PRKAG2: variants seen among roughly 807,000 people sequenced by gnomAD.
The protein encoded by PRKAG2 is 5'-AMP-activated protein kinase subunit gamma-2.
PRKAG2 carries 26 observed loss-of-function variants against 69.6 expected under a neutral mutation model. The ratio of observed to expected loss-of-function variants is 0.37; its 90% CI spans 0.27 to 0.52. The LOEUF (loss-of-function observed/expected upper bound fraction) is 0.52. Ranked by LOEUF, PRKAG2 falls within the 20% of genes least tolerant of loss-of-function variation. The pLI is 0.90. For missense variants in PRKAG2, 557 were observed against 740.0 expected, an observed-to-expected ratio of 0.75 and a Z score of 2.87; for synonymous variants, 293 against 285.0, an observed-to-expected ratio of 1.03 and a Z score of -0.28.
At chr7:151,665,461 T>C (rs1392848886) in intron 4 of PRKAG2, among the ~76,000 whole-genome samples, 3 of 152,186 alleles carry the variant, frequency 2.0e-5, no homozygotes, top group African/African-American at 4.8e-5. Flanking sequence ...TGAGTCATGA[T>C]TCCAACAGTG....
chr7:151,805,950 G>C (rs2078078627), intron 1 of PRKAG2, among the ~76,000 whole-genome samples: 1 of 152,250 alleles, frequency 6.6e-6, no homozygotes, highest in Non-Finnish European at 1.5e-5. Context: ...TATAGTCCAA[G>C]CATTTTGGGA....
intron 3 of PRKAG2, chr7:151,735,956 T>C: frequency 6.5e-7 from 1 of 1,536,384 alleles, no homozygotes; most frequent in Non-Finnish European, 8.7e-7. Context: ...TTGGTCCTTG[T>C]GTTTCTTGTT....
At position 151,614,812 on chromosome 7, in the gene PRKAG2, C is replaced by T. The variant is rs1453984302; in HGVS notation, c.754+17257G>A. 6.6e-6 allele frequency among the ~76,000 whole-genome samples: 1 copy of T among 152,262 alleles called. No homozygotes were observed. Among genetic ancestry groups the T allele is most frequent in the African/African-American group, 2.4e-5 (1 of 41,476 alleles). ...CAATGGCTTTTCTGCAAACTCCTTGCCGACCACTGATCACTTGGCACTGGG... is the reference window on the plus strand; with the variant it reads ...CAATGGCTTTTCTGCAAACTCCTTGTCGACCACTGATCACTTGGCACTGGG... On this transcript the variant is annotated intron_variant, in intron 5 of 15. Coordinates refer to ENST00000287878, the MANE Select transcript of PRKAG2 (RefSeq NM_016203.4). This position sits in a 1 kb window ranked among gnomAD's most constrained non-coding sequence, Gnocchi z 4.4.
At position 151,823,914 on chromosome 7, in the gene PRKAG2, T is replaced by A. The variant is rs549830403; in HGVS notation, c.115-37373A>T. 6.6e-5 allele frequency among the ~76,000 whole-genome samples: 10 copies of A among 152,274 alleles called. No individual in the cohort carries two copies. In the South Asian group the frequency reaches 1.2e-3, roughly 19 times the overall value. On this transcript the variant is annotated intron_variant, in intron 1 of 15. Transcript: ENST00000287878. ...TTGCTGGGGCTGAGAACTGGGTGAT[T>A]GAAATATTCTGCTAAGTAAGAACCA...
At chr7:151,580,096 C>T (rs1809991801) in intron 6 of PRKAG2, among the ~76,000 whole-genome samples, 1 of 152,214 alleles carries the variant, frequency 6.6e-6, no homozygotes, top group Non-Finnish European at 1.5e-5. Context: ...GTAATCCCAG[C>T]ACTTTGGGAG....
chr7:151,648,203 G>A (rs1827876466), intron 4 of PRKAG2, among the ~76,000 whole-genome samples: 1 of 152,058 alleles, frequency 6.6e-6, no homozygotes. Context: ...CTTTGGACAG[G>A]TGTCATTCTA....
intron 5 of PRKAG2, among the ~76,000 whole-genome samples, chr7:151,625,389 C>T (rs1822587268): frequency 6.6e-6 from 1 of 152,108 alleles, no homozygotes; most frequent in Non-Finnish European, 1.5e-5. Flanking sequence ...AGGAAAGAGG[C>T]ACCAGGTGAG....
chr7:151,786,643 T>C (rs918707759), intron 1 of PRKAG2, 102 bp from the exon 2 acceptor site: 1 of 920,288 alleles, frequency 1.1e-6, no homozygotes, highest in East Asian at 2.6e-5. Context: ...TGAGACCTTA[T>C]CCTTCAAATC....
intron 3 of PRKAG2, among the ~76,000 whole-genome samples, chr7:151,743,945 C>A (rs1440440827): frequency 6.6e-6 from 1 of 152,204 alleles, no homozygotes; most frequent in Non-Finnish European, 1.5e-5. Flanking sequence ...GTGCCAGCCC[C>A]CCCACATCTG....
In PRKAG2 at chr7:151,632,193, C is replaced by T. The variant is rs1713993147; in HGVS notation, c.685-55G>A. The stretch of plus-strand genomic sequence containing the variant: ...CATGAGCTGCGACGCTCGTCCCCGG[C>T]CGGCGGGCTCGCGGCCGGCCGAGCG... On this transcript the variant is annotated intron_variant, in intron 4 of 15. Transcript: ENST00000287878. The surrounding 1 kb of genome is among the most constrained non-coding windows in gnomAD (Gnocchi z 4.2). 12 of 1,199,704 alleles carry T rather than the reference C, an allele frequency of 1.0e-5. No individual in the cohort carries two copies. The highest frequency in any genetic ancestry group is 1.2e-5 in the Non-Finnish European group (12 of 961,846). 74.3% of individuals were successfully genotyped at this position (1,199,704 alleles called of 1,614,324 possible).
intron 1 of PRKAG2, among the ~76,000 whole-genome samples, chr7:151,818,443 G>A (rs1393486556): frequency 6.6e-6 from 1 of 152,168 alleles, no homozygotes; most frequent in Non-Finnish European, 1.5e-5. Context: ...TCACGTCCCT[G>A]CGATGAGGCA....
rs1446398419 is a variant in PRKAG2, at chr7:151,781,584, C to T, written c.187-153G>A. ...GCCCTAAGCTCTTCCACAGAGGTAGCCACTGAATGGTCTGCAGGTAGCACC... is the reference window on the plus strand; with the variant it reads ...GCCCTAAGCTCTTCCACAGAGGTAGTCACTGAATGGTCTGCAGGTAGCACC... On this transcript the variant is annotated intron_variant, in intron 2 of 15. Coordinates refer to ENST00000287878, the MANE Select transcript of PRKAG2 (RefSeq NM_016203.4). The surrounding 1 kb of genome is among the most constrained non-coding windows in gnomAD (Gnocchi z 6.1). 6.6e-6 allele frequency among the ~76,000 whole-genome samples: 1 copy of T among 152,192 alleles called. No individual in the cohort carries two copies. Among genetic ancestry groups the T allele is most frequent in the Non-Finnish European group, 1.5e-5 (1 of 68,030 alleles).
At chr7:151,675,113 G>A (rs1329525944) in intron 4 of PRKAG2, 2 of 375,168 alleles carry the variant, frequency 5.3e-6, no homozygotes, top group African/African-American at 4.2e-5. Context: ...TAGAGACAGG[G>A]TTTTGCCATG....
chr7:151,667,282 C>T (rs907712987), intron 4 of PRKAG2, among the ~76,000 whole-genome samples: 4 of 152,204 alleles, frequency 2.6e-5, no homozygotes, highest in Non-Finnish European at 5.9e-5. Flanking sequence ...TGATAAACAT[C>T]CTGCACACCA....
chr7:151,696,346 G>T (rs1836655713), intron 3 of PRKAG2, among the ~76,000 whole-genome samples: 1 of 152,254 alleles, frequency 6.6e-6, no homozygotes, highest in African/African-American at 2.4e-5. Context: ...CATCAGGAGA[G>T]TATGGGGTTC....
At chr7:151,809,027 T>G (rs550403418) in intron 1 of PRKAG2, among the ~76,000 whole-genome samples, 1 of 152,310 alleles carries the variant, frequency 6.6e-6, no homozygotes, top group East Asian at 1.9e-4. Context: ...GAGTTCGTGT[T>G]GGAAGATGCC....
At chr7:151,650,301 C>CAA (rs11404467) in intron 4 of PRKAG2, among the ~76,000 whole-genome samples, 4,298 of 142,138 alleles carry the variant, frequency 0.03, 64 homozygotes, top group Middle Eastern at 0.086. Flanking sequence ...AACCCAGTCT[C>CAA]AAAAAAAAAA....
At chr7:151,746,516 A>G (rs971888663) in intron 3 of PRKAG2, among the ~76,000 whole-genome samples, 1 of 152,256 alleles carries the variant, frequency 6.6e-6, no homozygotes, top group Admixed American at 6.5e-5. Context: ...GTGATTAAAT[A>G]AGACAGAATA....
At chr7:151,703,726 T>A (rs758685120) in intron 3 of PRKAG2, among the ~76,000 whole-genome samples, 13 of 152,018 alleles carry the variant, frequency 8.6e-5, no homozygotes, top group Non-Finnish European at 1.3e-4. Flanking sequence ...TTTTTTTGGC[T>A]GGGCGCGGTG....
Sources: allele counts gnomAD v4.1 joint callset (sites outside exome capture counted in the v4.1 genomes callset), GRCh38; gene constraint gnomAD v4.1.1; non-coding constraint Gnocchi (gnomAD v3.1); transcripts MANE v1.5; gene names NCBI Gene and HGNC (gene_info 2026-07-23, HGNC 2026-07-21).